PLXDC2: variants seen among roughly 807,000 people sequenced by gnomAD.
PLXDC2 encodes plexin domain-containing protein 2.
In PLXDC2, 40 loss-of-function variants were observed where a neutral mutation model predicts 68.9. The ratio of observed to expected loss-of-function variants is 0.58; its 90% CI spans 0.45 to 0.76. The LOEUF (loss-of-function observed/expected upper bound fraction) is 0.76, where lower values mean the gene tolerates loss of function less well. PLXDC2 is among the 30% of genes least tolerant of loss of function. PLXDC2 has a pLI of 0.00. For synonymous variants in PLXDC2, 243 were observed against 234.2 expected (o/e 1.04, Z -0.34); for missense variants, 644 against 661.9 (o/e 0.97, Z 0.30).
At chr10:20,089,942 C>G (rs1833254003) in intron 4 of PLXDC2, among the ~76,000 whole-genome samples, 1 of 152,138 alleles carries the variant, frequency 6.6e-6, no homozygotes, top group African/African-American at 2.4e-5. Flanking sequence ...AGGTTCAAGT[C>G]CTTTTTTTCA....
chr10:19,861,728 G>A (rs567392717), intron 1 of PLXDC2, among the ~76,000 whole-genome samples: 12 of 152,168 alleles, frequency 7.9e-5, no homozygotes, highest in Admixed American at 5.9e-4. Flanking sequence ...GACCTTTTCT[G>A]CAGCTCCTCT....
At chr10:20,215,845 G>A (rs74349380) in intron 10 of PLXDC2, among the ~76,000 whole-genome samples, 2,611 of 152,282 alleles carry the variant, frequency 0.017, 36 homozygotes, top group Non-Finnish European at 0.026. Context: ...AACCCAAGGA[G>A]TAAAACCGGG....
rs1836125303 is a variant in PLXDC2, at chr10:20,284,438, T to TGTGTGTGTGTGTTA, written c.*4621_*4622insGTGTGTGTGTTAGT. 6.7e-6 allele frequency: 1 copy of TGTGTGTGTGTGTTA among 150,020 alleles called. No homozygotes were observed. Among genetic ancestry groups the TGTGTGTGTGTGTTA allele is most frequent in the Non-Finnish European group, 1.5e-5 (1 of 67,340 alleles). 9.3% of individuals were successfully genotyped at this position (150,020 alleles called of 1,614,324 possible). ...GTGTGTGTGTGTGTGTGTGTGTGTG[T>TGTGTGTGTGTGTTA]GTTAGCCAAGTGTGGTTTCTCATGC... On this transcript the variant is annotated 3_prime_UTR_variant, in exon 14 of 14. Transcript: ENST00000377252.
At chr10:20,106,733 T>A (rs1371859163) in intron 4 of PLXDC2, among the ~76,000 whole-genome samples, 1 of 152,080 alleles carries the variant, frequency 6.6e-6, no homozygotes, top group Non-Finnish European at 1.5e-5. Context: ...ATCCTTCAAC[T>A]CTCGGCCTTT....
chr10:20,065,513 T>G lies in PLXDC2; in HGVS notation c.472-2657T>G, dbSNP rs190213037. Reference sequence around the variant, plus strand: ...CACAGAGGGTAGGAGGGGATGGTTTTGGGATGATTCAGGCACATTGCATTT... The same window carrying G: ...CACAGAGGGTAGGAGGGGATGGTTTGGGGATGATTCAGGCACATTGCATTT... On this transcript the variant is annotated intron_variant, in intron 3 of 13. Transcript: ENST00000377252. 8.9e-4 allele frequency among the ~76,000 whole-genome samples: 136 copies of G among 152,264 alleles called. 1 individual carries two copies. In the East Asian group the frequency reaches 0.026, roughly 29 times the overall value.
At chr10:19,818,227 G>GGTGTGTGTGTGTGTGTGTGT (rs749435110) in intron 1 of PLXDC2, among the ~76,000 whole-genome samples, 2 of 137,610 alleles carry the variant, frequency 1.5e-5, no homozygotes, top group African/African-American at 2.8e-5. Context: ...GTTCTTTTCT[G>GGTGTGTGTGTGTGTGTGTGT]GTGTGTGTGT....
chr10:20,151,350 G>A (rs1834150822), intron 6 of PLXDC2, among the ~76,000 whole-genome samples: 1 of 152,100 alleles, frequency 6.6e-6, no homozygotes, highest in African/African-American at 2.4e-5. Flanking sequence ...GTTTCCTACA[G>A]CTTTAATATC....
intron 1 of PLXDC2, among the ~76,000 whole-genome samples, chr10:19,984,060 C>T (rs112627390): frequency 3.3e-5 from 5 of 152,234 alleles, no homozygotes; most frequent in South Asian, 2.1e-4. Flanking sequence ...CATGGGTCGT[C>T]GAAGTGTCAG....
At chr10:20,074,322 A>G (rs567876374) in intron 4 of PLXDC2, among the ~76,000 whole-genome samples, 11 of 152,274 alleles carry the variant, frequency 7.2e-5, no homozygotes, top group African/African-American at 2.4e-4. Flanking sequence ...ATACCTGTAC[A>G]TATCTGAAAA....
chr10:19,872,105 G>A (rs1206341587), intron 1 of PLXDC2, among the ~76,000 whole-genome samples: 3 of 152,114 alleles, frequency 2.0e-5, no homozygotes, highest in Non-Finnish European at 2.9e-5. Context: ...TGGAGCAATG[G>A]GTGAGTTACT....
rs1836358130 is a variant in PLXDC2 at position 19,817,053 on chromosome 10, G to A, written c.-27G>A. 2 of 1,480,428 alleles carry A rather than the reference G, an allele frequency of 1.4e-6. No homozygotes were observed. The highest frequency in any genetic ancestry group is 1.8e-6 in the Non-Finnish European group (2 of 1,106,150). The allele number at this position is 1,480,428 out of a possible 1,614,324, so 91.7% of individuals were successfully genotyped here. A position where few individuals can be genotyped will look rare whatever the true frequency, so the allele number is the denominator to read the frequency against. On this transcript the variant is annotated 5_prime_UTR_variant, in exon 1 of 14. The change creates a new upstream start codon in the 5' untranslated region. Coordinates refer to ENST00000377252, the MANE Select transcript of PLXDC2 (RefSeq NM_032812.9). ...CCGAGCACCGGCGAAGGACTGGCGG[G>A]TGGGGTAGGGAGGTGGCGGCGGCGG...
chr10:19,829,773 G>A (rs1298237714), intron 1 of PLXDC2, among the ~76,000 whole-genome samples: 1 of 152,084 alleles, frequency 6.6e-6, no homozygotes. Flanking sequence ...AGAGAAGGTA[G>A]AGATGGAGTG....
intron 3 of PLXDC2, among the ~76,000 whole-genome samples, chr10:20,052,285 A>G (rs1006479916): frequency 6.6e-6 from 1 of 152,116 alleles, no homozygotes; most frequent in African/African-American, 2.4e-5. Flanking sequence ...TGTATAGAGT[A>G]ATCCATATTT....
At chr10:19,901,079 A>G (rs1243165949) in intron 1 of PLXDC2, among the ~76,000 whole-genome samples, 8 of 151,566 alleles carry the variant, frequency 5.3e-5, no homozygotes, top group Admixed American at 4.6e-4. Flanking sequence ...TCATTAATTG[A>G]TGGACATTTG....
chr10:20,241,098 A>G (rs1588537871), intron 12 of PLXDC2, among the ~76,000 whole-genome samples: 1 of 151,490 alleles, frequency 6.6e-6, no homozygotes, highest in East Asian at 1.9e-4. Flanking sequence ...AGATATGGCC[A>G]TGGTGTCTTG....
chr10:19,859,279 A>G (rs927964697), intron 1 of PLXDC2, among the ~76,000 whole-genome samples: 2 of 152,142 alleles, frequency 1.3e-5, no homozygotes, highest in Admixed American at 6.5e-5. Context: ...ATAACAAAAA[A>G]CAAAAAACAA....
intron 1 of PLXDC2, among the ~76,000 whole-genome samples, chr10:19,877,075 T>A (rs1837645797): frequency 6.6e-6 from 1 of 152,236 alleles, no homozygotes; most frequent in Non-Finnish European, 1.5e-5. Context: ...TTTCACCGAA[T>A]ATAAATTGAT....
intron 6 of PLXDC2, among the ~76,000 whole-genome samples, chr10:20,158,365 T>C (rs1834244301): frequency 6.9e-6 from 1 of 144,032 alleles, no homozygotes. Flanking sequence ...TACTTCTAAA[T>C]AGCTATACTT....
chr10:19,959,422 A>G (rs1834121557), intron 1 of PLXDC2, among the ~76,000 whole-genome samples: 1 of 152,218 alleles, frequency 6.6e-6, no homozygotes. Flanking sequence ...CATCACTGAA[A>G]AGAAAACAGC....
Sources: gnomAD v4.1 joint callset for allele counts (sites outside exome capture counted in the v4.1 genomes callset) on GRCh38, gnomAD v4.1.1 for gene constraint, MANE v1.5 for transcripts, NCBI Gene and HGNC (gene_info 2026-07-23, HGNC 2026-07-21) for gene names.